PHLDB2: variants seen among roughly 807,000 people sequenced by gnomAD.
The protein encoded by PHLDB2 is pleckstrin homology-like domain family B member 2.
PHLDB2 carries 71 observed loss-of-function variants against 123.6 expected under a neutral mutation model. That is an observed-to-expected ratio of 0.57 (90% CI 0.47 to 0.70). PHLDB2 has a LOEUF of 0.70. PHLDB2 is among the 30% of genes least tolerant of loss of function. The pLI is 0.00. For synonymous variants in PHLDB2, 547 were observed against 541.6 expected (o/e 1.01, Z -0.14); for missense variants, 1,446 against 1,519.5 (o/e 0.95, Z 0.80).
At chr3:111,890,713 A>G (rs962931107) in intron 2 of PHLDB2, among the ~76,000 whole-genome samples, 2 of 152,144 alleles carry the variant, frequency 1.3e-5, no homozygotes, top group African/African-American at 4.8e-5. Context: ...AGTTTTATTG[A>G]GTATTAAAGA....
chr3:111,901,599 G>T (rs1217514129), intron 2 of PHLDB2, among the ~76,000 whole-genome samples: 1 of 151,972 alleles, frequency 6.6e-6, no homozygotes, highest in Non-Finnish European at 1.5e-5. Flanking sequence ...TACTTATTTT[G>T]ATTGAACTAA....
intron 13 of PHLDB2, 33 bp from the exon 14 acceptor site, chr3:111,966,580 A>G (rs2071785951): frequency 1.3e-6 from 2 of 1,521,942 alleles, no homozygotes; most frequent in South Asian, 1.1e-5. Flanking sequence ...AGTCTAAACC[A>G]ATATTCTCAA....
chr3:111,866,043 A>G (rs2065062938), intron 1 of PHLDB2, among the ~76,000 whole-genome samples: 1 of 35,108 alleles, frequency 2.8e-5, no homozygotes, highest in South Asian at 1.0e-3. Flanking sequence ...TTTTTTGGAG[A>G]CAGAGTTGCT....
chr3:111,736,088 A>AT (rs1941679949), intron 1 of PHLDB2, among the ~76,000 whole-genome samples: 1 of 152,206 alleles, frequency 6.6e-6, no homozygotes, highest in Non-Finnish European at 1.5e-5. Flanking sequence ...AAAACTCAGT[A>AT]TGACAGTGGT....
intron 1 of PHLDB2, among the ~76,000 whole-genome samples, chr3:111,863,938 T>C (rs2064950318): frequency 6.6e-6 from 1 of 152,220 alleles, no homozygotes; most frequent in East Asian, 1.9e-4. Flanking sequence ...TTATAGATTC[T>C]AGTTCTGGGT....
intron 1 of PHLDB2, among the ~76,000 whole-genome samples, chr3:111,835,868 GGAA>G (rs1177110071): frequency 6.6e-6 from 1 of 152,184 alleles, no homozygotes; most frequent in Non-Finnish European, 1.5e-5. Flanking sequence ...CGAAGGGCCA[GGAA>G]GAAGTTGTCT....
intron 9 of PHLDB2, among the ~76,000 whole-genome samples, chr3:111,947,362 A>C (rs141413945): frequency 6.6e-6 from 1 of 152,178 alleles, no homozygotes; most frequent in Non-Finnish European, 1.5e-5. Flanking sequence ...ATGAGTTGCT[A>C]TGAGAACACA....
chr3:111,884,437 A>G lies in PHLDB2; in HGVS notation c.360A>G (p.Gly120=), dbSNP rs112732983. Reference sequence around the variant, plus strand: ...TCAACACTACATCCTCCCTCAGTGGATATCCACTTGGAAGAGCAGACTTTG... The same window carrying G: ...TCAACACTACATCCTCCCTCAGTGGGTATCCACTTGGAAGAGCAGACTTTG... ...PLLNTTSSLS[G]YPLGRADFDH... is the part of the protein sequence containing the mutation. Residue 120 remains glycine (G), a synonymous_variant, in exon 2 of 18, where the codon GGA becomes GGG. Coordinates refer to ENST00000431670, the MANE Select transcript of PHLDB2 (RefSeq NM_001134438.2). 62 of 1,614,200 alleles carry G rather than the reference A, an allele frequency of 3.8e-5. 1 individual carries two copies. The African/African-American group carries it at 6.7e-4, about 17-fold the overall frequency.
At chr3:111,808,581 G>A (rs1380258243) in intron 1 of PHLDB2, among the ~76,000 whole-genome samples, 1 of 151,848 alleles carries the variant, frequency 6.6e-6, no homozygotes, top group African/African-American at 2.4e-5. Flanking sequence ...TGGGGTCTGG[G>A]ACATGGATGA....
intron 1 of PHLDB2, among the ~76,000 whole-genome samples, chr3:111,866,013 C>CTTTTTTTTTTTTTT (rs1239058039): frequency 1.0e-4 from 5 of 47,668 alleles, no homozygotes; most frequent in Admixed American, 3.2e-4. Flanking sequence ...CCCACCCACT[C>CTTTTTTTTTTTTTT]ATTTTTTTTT....
chr3:111,807,489 G>A lies in PHLDB2; in HGVS notation c.-48-38332G>A, dbSNP rs541660087. Among the ~76,000 whole-genome samples, 197 of 152,288 alleles carry A rather than the reference G, an allele frequency of 1.3e-3. 1 individual carries two copies. Among genetic ancestry groups the A allele is most frequent in the African/African-American group, 4.7e-3 (195 of 41,566 alleles). On this transcript the variant is annotated intron_variant, in intron 1 of 17. Coordinates refer to the PHLDB2 transcript ENST00000393923. ...CCCAGCAACTCTGGGAAGCCAAGTTGGGAGGATTGCTTGGGGCCAGGAGTT... is the reference window on the plus strand; with the variant it reads ...CCCAGCAACTCTGGGAAGCCAAGTTAGGAGGATTGCTTGGGGCCAGGAGTT...
At chr3:111,830,354 A>C (rs993003218) in intron 1 of PHLDB2, among the ~76,000 whole-genome samples, 1 of 152,196 alleles carries the variant, frequency 6.6e-6, no homozygotes, top group African/African-American at 2.4e-5. Context: ...AAATTAAAGC[A>C]ATCTAAAATT....
At chr3:111,915,162 A>G (rs1013593262) in intron 3 of PHLDB2, 9 of 152,202 alleles carry the variant, frequency 5.9e-5, no homozygotes, top group Non-Finnish European at 1.2e-4. Context: ...ATTAAGTTCA[A>G]CTGTGAGATT....
At chr3:111,739,163 G>C (rs994712480) in intron 1 of PHLDB2, among the ~76,000 whole-genome samples, 26 of 152,276 alleles carry the variant, frequency 1.7e-4, no homozygotes, top group African/African-American at 5.1e-4. Context: ...TATCTAGGGA[G>C]ATCATTCCTA....
chr3:111,770,367 C>T (rs767402537), intron 1 of PHLDB2, among the ~76,000 whole-genome samples: 2 of 152,126 alleles, frequency 1.3e-5, no homozygotes, highest in African/African-American at 4.8e-5. Context: ...TCCTTAGAGA[C>T]TACCAATTAG....
intron 1 of PHLDB2, among the ~76,000 whole-genome samples, chr3:111,864,181 C>T (rs2064962166): frequency 6.6e-6 from 1 of 152,102 alleles, no homozygotes; most frequent in Non-Finnish European, 1.5e-5. Context: ...GGGATCTGCC[C>T]CCCCGCAGGT....
At chr3:111,827,484 G>C (rs1011540334) in intron 1 of PHLDB2, among the ~76,000 whole-genome samples, 3 of 152,094 alleles carry the variant, frequency 2.0e-5, no homozygotes, top group Non-Finnish European at 4.4e-5. Context: ...TACCATCCTA[G>C]CTAACACGGT....
At chr3:111,949,226 A>T (rs2070536248) in intron 10 of PHLDB2, 151 bp downstream of exon 10, 3 of 875,732 alleles carry the variant, frequency 3.4e-6, no homozygotes. Context: ...TTTATAAAGT[A>T]TACCAATTTG....
rs868457931 is a variant in PHLDB2, at chr3:111,969,924, C to A, written c.3535+15C>A. 37 of 1,609,196 alleles carry A rather than the reference C, an allele frequency of 2.3e-5. No homozygotes were observed. The Middle Eastern group carries it at 5.1e-3, about 223-fold the overall frequency. On this transcript the variant is annotated intron_variant, in intron 16 of 17. Transcript: ENST00000431670. Reference sequence around the variant, plus strand: ...TTATTATGCAGGTGGGTGATAAAAACAATTTAAGCCATATACTCAAATCAA... The same window carrying A: ...TTATTATGCAGGTGGGTGATAAAAAAAATTTAAGCCATATACTCAAATCAA...
Sources: allele counts gnomAD v4.1 joint callset (sites outside exome capture counted in the v4.1 genomes callset), GRCh38; gene constraint gnomAD v4.1.1; transcripts MANE v1.5; gene names NCBI Gene and HGNC (gene_info 2026-07-23, HGNC 2026-07-21).